Variants in TUT4 observed in about 807,000 individuals in gnomAD.
TUT4 encodes terminal uridylyl transferase 4.
TUT4 carries 36 observed loss-of-function variants against 192.2 expected under a neutral mutation model. The observed-to-expected ratio is 0.19, with a 90% CI of 0.14 to 0.25. The LOEUF is 0.25. Among genes scored for constraint, TUT4 ranks in the 10% least tolerant of loss-of-function variants. The pLI is 1.00. For synonymous variants in TUT4, 618 were observed against 666.0 expected (o/e 0.93, Z 1.11); for missense variants, 1,493 against 1,957.2 (o/e 0.76, Z 4.47).
intron 1 of TUT4, among the ~76,000 whole-genome samples, chr1:52,527,180 A>G (rs1207164780): frequency 6.6e-6 from 1 of 152,208 alleles, no homozygotes; most frequent in Non-Finnish European, 1.5e-5. Flanking sequence ...GACTCTCTAA[A>G]TATGGGAAAA....
chr1:52,493,459 A>G (rs1671689506), intron 7 of TUT4, 152 bp downstream of exon 7: 1 of 552,888 alleles, frequency 1.8e-6, no homozygotes, highest in African/African-American at 2.0e-5. Context: ...ATATCTATAA[A>G]CAAGTGTGTG....
intron 1 of TUT4, among the ~76,000 whole-genome samples, chr1:52,530,192 G>A (rs1007703708): frequency 6.6e-6 from 1 of 150,936 alleles, no homozygotes; most frequent in East Asian, 1.9e-4. Flanking sequence ...TTACTAATAG[G>A]AGGTTGCAGT....
chr1:52,501,081 G>A (rs1026441242), intron 4 of TUT4, among the ~76,000 whole-genome samples: 18 of 152,102 alleles, frequency 1.2e-4, no homozygotes, highest in African/African-American at 4.1e-4. Flanking sequence ...AAAAGACATA[G>A]GCAACAAAAG....
intron 13 of TUT4, among the ~76,000 whole-genome samples, chr1:52,474,374 T>C (rs144566794): frequency 6.6e-6 from 1 of 152,338 alleles, no homozygotes; most frequent in African/African-American, 2.4e-5. Flanking sequence ...TTCCCTCAAC[T>C]ACCTTTAGTA....
chr1:52,466,623 G>C (rs1168361477), intron 15 of TUT4, among the ~76,000 whole-genome samples: 1 of 145,390 alleles, frequency 6.9e-6, no homozygotes, highest in African/African-American at 2.6e-5. Flanking sequence ...TTGAGCCCGG[G>C]TGACAGAGTA....
chr1:52,458,949 A>T (rs912121116), intron 19 of TUT4, among the ~76,000 whole-genome samples: 1 of 152,212 alleles, frequency 6.6e-6, no homozygotes, highest in African/African-American at 2.4e-5. Context: ...AGGTTCATCA[A>T]TAAAGTGCAG....
At chr1:52,529,757 A>C (rs1282515759) in intron 1 of TUT4, 1 of 152,212 alleles carries the variant, frequency 6.6e-6, no homozygotes, top group Non-Finnish European at 1.5e-5. Flanking sequence ...AAAAGAAAAA[A>C]ATCAATGTAC....
chr1:52,543,101 C>T (rs572577633), intron 1 of TUT4, among the ~76,000 whole-genome samples: 20 of 152,168 alleles, frequency 1.3e-4, no homozygotes, highest in East Asian at 3.9e-4. Flanking sequence ...TTCTAGCCAA[C>T]GCCATTAGGC....
intron 3 of TUT4, 56 bp downstream of exon 3, chr1:52,515,835 G>A (rs780068207): frequency 1.2e-6 from 2 of 1,604,660 alleles, no homozygotes; most frequent in South Asian, 2.2e-5. Flanking sequence ...TGTACTTGGG[G>A]AAAACAGTTA....
At chr1:52,548,975 T>TC (rs1270054226) in intron 1 of TUT4, among the ~76,000 whole-genome samples, 1 of 152,124 alleles carries the variant, frequency 6.6e-6, no homozygotes, top group Non-Finnish European at 1.5e-5. Flanking sequence ...CAAGGTGATC[T>TC]CCCCCAGAGG....
intron 5 of TUT4, among the ~76,000 whole-genome samples, chr1:52,496,194 T>C (rs1374918822): frequency 6.6e-6 from 1 of 152,158 alleles, no homozygotes; most frequent in Non-Finnish European, 1.5e-5. Flanking sequence ...TCATCCTCAG[T>C]TGTATATATA....
At chr1:52,468,396 T>A in intron 14 of TUT4, 129 bp from the exon 15 acceptor site, 1 of 667,184 alleles carries the variant, frequency 1.5e-6, no homozygotes, top group Non-Finnish European at 2.4e-6. Flanking sequence ...TCTCTGACTT[T>A]AAAACCATAA....
intron 5 of TUT4, 93 bp downstream of exon 5, chr1:52,496,913 G>A (rs1381852719): frequency 4.9e-6 from 6 of 1,225,082 alleles, no homozygotes; most frequent in Non-Finnish European, 6.7e-6. Context: ...AAGGAGAAAA[G>A]GGAAGAAAAA....
At chr1:52,458,223 A>G in intron 20 of TUT4, 113 bp downstream of exon 20, 1 of 640,356 alleles carries the variant, frequency 1.6e-6, no homozygotes, top group South Asian at 2.9e-5. Context: ...GAGAAAACTT[A>G]GGACAACCAT....
At chr1:52,512,766 G>C (rs1183382803) in intron 3 of TUT4, among the ~76,000 whole-genome samples, 4 of 152,042 alleles carry the variant, frequency 2.6e-5, no homozygotes, top group Non-Finnish European at 5.9e-5. Flanking sequence ...TTCAACCATA[G>C]GAAAATTTAG....
At chr1:52,541,546 AAG>A (rs1686684832) in intron 1 of TUT4, among the ~76,000 whole-genome samples, 1 of 152,082 alleles carries the variant, frequency 6.6e-6, no homozygotes, top group African/African-American at 2.4e-5. Context: ...AAAAAAAAGA[AAG>A]AAACTCCTAC....
intron 16 of TUT4, chr1:52,463,475 C>G (rs1663181901): frequency 2.9e-6 from 3 of 1,049,274 alleles, no homozygotes; most frequent in Non-Finnish European, 3.5e-6. Context: ...CTAACAATTT[C>G]AAAACCACCG....
chr1:52,489,438 A>G (rs1386378689), intron 8 of TUT4, among the ~76,000 whole-genome samples: 3 of 152,218 alleles, frequency 2.0e-5, no homozygotes, highest in African/African-American at 7.2e-5. Flanking sequence ...CTACATGATA[A>G]TAGCAAAAAA....
Position 52,475,274 on chromosome 1 carries a change from T to C in TUT4, c.2285A>G (p.Gln762Arg), listed in dbSNP as rs1666796985. The change falls in exon 13 of 30, where the codon CAA (glutamine) becomes CGA (arginine). Residue 762 changes from glutamine to arginine, a missense_variant. Gln to Arg is a conservative substitution (Grantham distance 43). This residue lies in a region of TUT4 where 245 missense variants were observed against 218.4 expected (regional missense o/e 1.12). Transcript: ENST00000257177. ...GTCCATTTCATCACATTGAACAGGT[T>C]GCTCTCTTTCTGCATTTATTTTTTC... ...TTEKINAERE[Q>R]PVQCDEMDCT... 1 of 1,614,068 alleles carries C rather than the reference T, an allele frequency of 6.2e-7. No homozygotes were observed. The highest frequency in any genetic ancestry group is 8.5e-7 in the Non-Finnish European group (1 of 1,180,040).
Sources: allele counts gnomAD v4.1 joint callset (sites outside exome capture counted in the v4.1 genomes callset), GRCh38; gene constraint gnomAD v4.1.1; regional missense constraint gnomAD v4.1.1; transcripts MANE v1.5; gene names NCBI Gene and HGNC (gene_info 2026-07-23, HGNC 2026-07-21).